UBAC2: variants seen among roughly 807,000 people sequenced by gnomAD.
UBAC2 encodes the protein UBA domain containing 2.
In UBAC2, 26 loss-of-function variants were observed where a neutral mutation model predicts 44.0. The ratio of observed to expected loss-of-function variants is 0.59; its 90% CI spans 0.43 to 0.82. The LOEUF (loss-of-function observed/expected upper bound fraction) is 0.82, where lower values mean the gene tolerates loss of function less well. UBAC2 is among the 40% of genes least tolerant of loss of function. UBAC2 has a pLI of 0.00. For missense variants in UBAC2, 329 were observed against 419.4 expected, an observed-to-expected ratio of 0.78 and a Z score of 1.88; for synonymous variants, 155 against 154.3, an observed-to-expected ratio of 1.00 and a Z score of -0.04.
intron 1 of UBAC2, among the ~76,000 whole-genome samples, chr13:99,231,057 AG>A (rs1490635136): frequency 6.6e-6 from 1 of 152,136 alleles, no homozygotes. Context: ...CAAAAAAAAA[AG>A]GACTCTTGTG....
intron 1 of UBAC2, among the ~76,000 whole-genome samples, chr13:99,204,562 G>T (rs1700835144): frequency 6.6e-6 from 1 of 152,152 alleles, no homozygotes; most frequent in African/African-American, 2.4e-5. Flanking sequence ...TGCCAGGGAA[G>T]AAAACTGAGG....
rs1210976978 is a variant in UBAC2, at chr13:99,249,630, G to T, written c.389+5006G>T. Among the ~76,000 whole-genome samples the T allele has an allele frequency of 3.3e-5, 5 of 152,280 alleles. No homozygotes were observed. In the East Asian group the frequency reaches 9.6e-4, roughly 29 times the overall value. Reference sequence around the variant, plus strand: ...AGAAATCTCCAAACTGCTTTCTATAGTGGCTGAACTAATTTACATTCCCAC... The same window carrying T: ...AGAAATCTCCAAACTGCTTTCTATATTGGCTGAACTAATTTACATTCCCAC... On this transcript the variant is annotated intron_variant, in intron 4 of 8. Transcript: ENST00000403766.
intron 2 of UBAC2, 76 bp downstream of exon 2, chr13:99,238,630 C>T: frequency 7.3e-7 from 1 of 1,368,696 alleles, no homozygotes; most frequent in Non-Finnish European, 9.6e-7. Context: ...GCTTTTTCTT[C>T]CTGCTGTTAG....
intron 7 of UBAC2, among the ~76,000 whole-genome samples, chr13:99,357,438 C>A (rs1475027286): frequency 1.3e-5 from 2 of 152,196 alleles, no homozygotes; most frequent in African/African-American, 2.4e-5. Flanking sequence ...CAGCCAAACT[C>A]TTTTCAGGGC....
rs1027710821 is a variant in UBAC2, at chr13:99,367,636, C to A, written c.808-151C>A. 9 of 1,117,334 alleles carry A rather than the reference C, an allele frequency of 8.1e-6. No individual in the cohort carries two copies. The African/African-American group carries it at 1.4e-4, about 18-fold the overall frequency. The allele number at this position is 1,117,334 out of a possible 1,614,324, so 69.2% of individuals were successfully genotyped here. On this transcript the variant is annotated intron_variant, in intron 7 of 8. Transcript: ENST00000403766. ...CTATTGACTGAAGGATGTTGTGATA[C>A]TTTTGAATTTGAATTGCTTGCATAG...
chr13:99,344,547 G>A (rs775979933), intron 7 of UBAC2, among the ~76,000 whole-genome samples: 3 of 152,028 alleles, frequency 2.0e-5, no homozygotes, highest in South Asian at 4.2e-4. Flanking sequence ...ATTTTTAGAT[G>A]CTTTTCATAG....
At chr13:99,209,294 C>T (rs776898037) in intron 1 of UBAC2, among the ~76,000 whole-genome samples, 15 of 152,186 alleles carry the variant, frequency 9.9e-5, no homozygotes, top group Non-Finnish European at 1.9e-4. Flanking sequence ...CCTGTCTTCA[C>T]GGGAGGGAAC....
At chr13:99,290,150 T>A (rs1352854702) in intron 4 of UBAC2, among the ~76,000 whole-genome samples, 1 of 152,178 alleles carries the variant, frequency 6.6e-6, no homozygotes, top group Non-Finnish European at 1.5e-5. Context: ...ACTCAACCTC[T>A]CTGGAGCATA....
At chr13:99,216,961 G>A (rs1449804393) in intron 1 of UBAC2, among the ~76,000 whole-genome samples, 4 of 151,800 alleles carry the variant, frequency 2.6e-5, no homozygotes, top group African/African-American at 9.7e-5. Context: ...CTCCCGAGTA[G>A]CTGGGATTAC....
chr13:99,223,425 G>T (rs2043072865), intron 1 of UBAC2, among the ~76,000 whole-genome samples: 1 of 150,290 alleles, frequency 6.7e-6, no homozygotes, highest in South Asian at 2.1e-4. Context: ...CCAGCTTTGA[G>T]TTTCATTGAT....
intron 4 of UBAC2, among the ~76,000 whole-genome samples, chr13:99,267,355 T>C (rs2043757135): frequency 6.6e-6 from 1 of 152,196 alleles, no homozygotes. Flanking sequence ...GATGCAATTT[T>C]TGGAGCATAT....
intron 7 of UBAC2, among the ~76,000 whole-genome samples, chr13:99,353,172 T>A (rs1162743145): frequency 1.3e-5 from 2 of 152,242 alleles, no homozygotes; most frequent in East Asian, 3.8e-4. Flanking sequence ...TATAAGTATA[T>A]AGCATCAGAT....
chr13:99,298,235 T>C (rs986218795), intron 4 of UBAC2, among the ~76,000 whole-genome samples: 2 of 152,172 alleles, frequency 1.3e-5, no homozygotes, highest in Admixed American at 1.3e-4. Context: ...CATGAGCATA[T>C]ATGCAAATTT....
intron 4 of UBAC2, among the ~76,000 whole-genome samples, chr13:99,275,629 C>T (rs1316419138): frequency 6.6e-6 from 1 of 152,122 alleles, no homozygotes; most frequent in African/African-American, 2.4e-5. Context: ...AGTTTCTTCA[C>T]TACCTGCCTC....
At chr13:99,284,252 A>T (rs2043990601) in intron 4 of UBAC2, among the ~76,000 whole-genome samples, 1 of 152,250 alleles carries the variant, frequency 6.6e-6, no homozygotes, top group South Asian at 2.1e-4. Flanking sequence ...ATTGGGGGGA[A>T]GTGCCCCCAT....
chr13:99,275,392 A>G (rs961028509), intron 4 of UBAC2, among the ~76,000 whole-genome samples: 3 of 152,196 alleles, frequency 2.0e-5, no homozygotes, highest in African/African-American at 7.2e-5. Context: ...TAGTCATTCT[A>G]GCAGATGTGT....
In UBAC2 at chr13:99,314,517, A is replaced by T. The variant is rs1359669054; in HGVS notation, c.513+297A>T. Among the ~76,000 whole-genome samples, 3 of 152,242 alleles carry T rather than the reference A, an allele frequency of 2.0e-5. No individual in the cohort carries two copies. In the East Asian group the frequency reaches 5.8e-4, roughly 29 times the overall value. ...CAATTGCATGTGCGTACTTTTTAACAATCATAGTATGAAGTGGAAACAAAT... is the reference window on the plus strand; with the variant it reads ...CAATTGCATGTGCGTACTTTTTAACTATCATAGTATGAAGTGGAAACAAAT... On this transcript the variant is annotated intron_variant, in intron 5 of 8. Transcript: ENST00000403766.
intron 6 of UBAC2, among the ~76,000 whole-genome samples, chr13:99,330,797 T>C (rs1055066883): frequency 1.3e-5 from 2 of 152,230 alleles, no homozygotes; most frequent in South Asian, 4.1e-4. Context: ...ACAAATCTTT[T>C]AGAGCTTCAC....
At position 99,232,399 on chromosome 13, in the gene UBAC2, G is replaced by GAGATATATATATATATATATATATAT. The variant is rs1367302629; in HGVS notation, c.32-6027_32-6026insGATATATATATATATATATATATATA. ...AGACCCTGTCCATCCTTAGTTGAGA[G>GAGATATATATATATATATATATATAT]ATATAGATATATATATATATATTCA... On this transcript the variant is annotated intron_variant, in intron 1 of 8. Transcript: ENST00000403766. Among the ~76,000 whole-genome samples, 33 of 109,952 alleles carry GAGATATATATATATATATATATATAT rather than the reference G, an allele frequency of 3.0e-4. 1 individual carries two copies. Among genetic ancestry groups the GAGATATATATATATATATATATATAT allele is most frequent in the Middle Eastern group, 5.8e-3 (1 of 172 alleles). 72.1% of individuals were successfully genotyped at this position (109,952 alleles called of 152,430 possible). A position where few individuals can be genotyped will look rare whatever the true frequency, so the allele number is the denominator to read the frequency against.
Sources: allele counts gnomAD v4.1 joint callset (sites outside exome capture counted in the v4.1 genomes callset), GRCh38; gene constraint gnomAD v4.1.1; transcripts MANE v1.5; gene names NCBI Gene and HGNC (gene_info 2026-07-23, HGNC 2026-07-21).